The following LPGAT1 variants were observed in gnomAD, a reference collection of about 807,000 sequenced individuals.
The protein encoded by LPGAT1 is acyl-CoA:lysophosphatidylglycerol acyltransferase 1.
Under a neutral mutation model 47.5 loss-of-function variants are expected in LPGAT1, and 11 were observed. The ratio of observed to expected loss-of-function variants is 0.23; its 90% CI spans 0.15 to 0.38. The LOEUF is 0.38. LPGAT1 is among the 10% of genes least tolerant of loss of function. The probability of loss-of-function intolerance (pLI) is 1.00; values close to 1 mark genes in which losing one functional copy is unlikely to be tolerated. For missense variants in LPGAT1, 293 were observed against 439.0 expected (o/e 0.67, Z 2.97); for synonymous variants, 138 against 144.2 (o/e 0.96, Z 0.31).
At chr1:211,773,657 C>G (rs1391535336) in intron 6 of LPGAT1, among the ~76,000 whole-genome samples, 2 of 152,200 alleles carry the variant, frequency 1.3e-5, no homozygotes, top group East Asian at 3.8e-4. Flanking sequence ...ACAGACATTA[C>G]TTTTGCCTTT....
intron 2 of LPGAT1, among the ~76,000 whole-genome samples, chr1:211,818,662 T>C (rs1198654487): frequency 3.3e-5 from 5 of 152,210 alleles, no homozygotes; most frequent in African/African-American, 1.2e-4. Context: ...GTAACAATAT[T>C]TGTCAAACTT....
chr1:211,813,173 TAAG>T (rs933162640), intron 2 of LPGAT1, among the ~76,000 whole-genome samples: 8 of 152,232 alleles, frequency 5.3e-5, no homozygotes, highest in South Asian at 2.1e-4. Context: ...AATGCTGAAG[TAAG>T]AATTTATCTA....
At chr1:211,798,568 T>C (rs1659442928) in intron 2 of LPGAT1, among the ~76,000 whole-genome samples, 1 of 152,046 alleles carries the variant, frequency 6.6e-6, no homozygotes, top group African/African-American at 2.4e-5. Flanking sequence ...CCTGTGGTCC[T>C]AGCTACTCTA....
chr1:211,744,430 G>T lies in LPGAT1; in HGVS notation c.*5469C>A, dbSNP rs772534636. On this transcript the variant is annotated 3_prime_UTR_variant, in exon 8 of 8. Coordinates refer to ENST00000366997, the MANE Select transcript of LPGAT1 (RefSeq NM_014873.3). ...AGAAACAGTTTTAACAGTAGATCAC[G>T]TATCAGATTGAATGATAATAAATTT... is the stretch of plus-strand genomic sequence containing the variant. 1 of 152,148 alleles carries T rather than the reference G, an allele frequency of 6.6e-6. No individual in the cohort carries two copies. Among genetic ancestry groups the T allele is most frequent in the Non-Finnish European group, 1.5e-5 (1 of 68,008 alleles). The allele number at this position is 152,148 out of a possible 1,614,324, so 9.4% of individuals were successfully genotyped here.
In LPGAT1 at chr1:211,830,134, G is replaced by C. The variant is rs1484634850; in HGVS notation, c.-28+439C>G. ...CGGTGGAGCCTGCAGCGGTTTCCGC[G>C]GATGTGGAAGGGTCGTGGCGGCGGG... On this transcript the variant is annotated intron_variant, in intron 1 of 7. Coordinates refer to ENST00000366997, the MANE Select transcript of LPGAT1 (RefSeq NM_014873.3). The surrounding 1 kb of genome is among the most constrained non-coding windows in gnomAD (Gnocchi z 5.9). 1.6e-5 allele frequency: 16 copies of C among 983,946 alleles called. No individual in the cohort carries two copies. Among genetic ancestry groups the C allele is most frequent in the Non-Finnish European group, 1.7e-5 (14 of 829,558 alleles). The allele number at this position is 983,946 out of a possible 1,614,324, so 61.0% of individuals were successfully genotyped here. A position where few individuals can be genotyped will look rare whatever the true frequency, so the allele number is the denominator to read the frequency against.
chr1:211,822,245 A>ATT (rs952859225), intron 2 of LPGAT1, among the ~76,000 whole-genome samples: 4 of 152,176 alleles, frequency 2.6e-5, no homozygotes, highest in African/African-American at 9.7e-5. Context: ...TGCATGCATG[A>ATT]TTATATATAT....
chr1:211,810,243 G>A (rs1346932364), intron 2 of LPGAT1, among the ~76,000 whole-genome samples: 3 of 152,096 alleles, frequency 2.0e-5, no homozygotes, highest in African/African-American at 4.8e-5. Context: ...TCTTCAGAGA[G>A]ACACAGGGTT....
At chr1:211,782,539 G>C (rs1454602719) in intron 5 of LPGAT1, among the ~76,000 whole-genome samples, 2 of 152,160 alleles carry the variant, frequency 1.3e-5, no homozygotes, top group African/African-American at 4.8e-5. Context: ...TCTGACACTA[G>C]TCTGGTCAAC....
chr1:211,827,870 C>A (rs145315571), intron 2 of LPGAT1, among the ~76,000 whole-genome samples: 39 of 152,248 alleles, frequency 2.6e-4, no homozygotes, highest in African/African-American at 9.4e-4. Flanking sequence ...CATTATTATG[C>A]CACTGCCTGA....
chr1:211,809,180 G>C (rs566959050), intron 2 of LPGAT1, among the ~76,000 whole-genome samples: 2 of 152,058 alleles, frequency 1.3e-5, no homozygotes, highest in South Asian at 4.2e-4. Context: ...ACTCCAGCCT[G>C]GGCGACAGTG....
At chr1:211,792,369 G>C (rs373979073) in intron 3 of LPGAT1, 1 of 151,330 alleles carries the variant, frequency 6.6e-6, no homozygotes, top group Non-Finnish European at 1.5e-5. Context: ...TCAGCCTCCC[G>C]AGTAGCTGGA....
At chr1:211,829,707 A>T in intron 1 of LPGAT1, 1 of 1,030,194 alleles carries the variant, frequency 9.7e-7, no homozygotes. Context: ...AAGTGACATG[A>T]CCGAAACAGG....
chr1:211,828,011 C>G (rs12145721), intron 2 of LPGAT1, among the ~76,000 whole-genome samples: 1 of 152,110 alleles, frequency 6.6e-6, no homozygotes, highest in Non-Finnish European at 1.5e-5. Context: ...CCTTCTCTTG[C>G]GTGTGTGGAT....
intron 3 of LPGAT1, among the ~76,000 whole-genome samples, chr1:211,789,762 C>G (rs768691522): frequency 6.6e-5 from 10 of 150,848 alleles, no homozygotes; most frequent in Non-Finnish European, 1.3e-4. Context: ...CCCAGCTACT[C>G]AGGAGAACTG....
chr1:211,770,421 TTG>T (rs1461622630), intron 6 of LPGAT1, among the ~76,000 whole-genome samples: 6 of 152,230 alleles, frequency 3.9e-5, no homozygotes, highest in Admixed American at 3.3e-4. Context: ...TGAAAAGTCT[TTG>T]TGTCTTTTGT....
At chr1:211,779,504 AT>A (rs1245581190) in intron 5 of LPGAT1, among the ~76,000 whole-genome samples, 1 of 152,208 alleles carries the variant, frequency 6.6e-6, no homozygotes, top group Non-Finnish European at 1.5e-5. Context: ...ATATTGGAAC[AT>A]GGCAACAAAA....
At chr1:211,816,010 T>A (rs1289097923) in intron 2 of LPGAT1, among the ~76,000 whole-genome samples, 1 of 152,070 alleles carries the variant, frequency 6.6e-6, no homozygotes, top group Non-Finnish European at 1.5e-5. Context: ...CGCAATCTCT[T>A]GACATTGTGA....
intron 2 of LPGAT1, among the ~76,000 whole-genome samples, chr1:211,803,814 G>A (rs1331472853): frequency 1.4e-5 from 2 of 147,336 alleles, no homozygotes; most frequent in African/African-American, 5.0e-5. Context: ...AGACTGGAGT[G>A]CAGTGGCACA....
intron 2 of LPGAT1, among the ~76,000 whole-genome samples, chr1:211,822,696 T>A (rs947902384): frequency 6.6e-6 from 1 of 151,842 alleles, no homozygotes; most frequent in Non-Finnish European, 1.5e-5. Flanking sequence ...GAGAATCACT[T>A]GAACCCAAGA....
Sources: allele counts gnomAD v4.1 joint callset (sites outside exome capture counted in the v4.1 genomes callset), GRCh38; gene constraint gnomAD v4.1.1; non-coding constraint Gnocchi (gnomAD v3.1); transcripts MANE v1.5; gene names NCBI Gene and HGNC (gene_info 2026-07-23, HGNC 2026-07-21).